The following TAFA4 variants were observed in gnomAD, a reference collection of about 807,000 sequenced individuals.
TAFA4 encodes the protein chemokine-like protein TAFA-4.
Under a neutral mutation model 21.1 loss-of-function variants are expected in TAFA4, and 20 were observed. The observed-to-expected ratio is 0.95, with a 90% CI of 0.67 to 1.38. The LOEUF (loss-of-function observed/expected upper bound fraction) is 1.38. Ranked by LOEUF, TAFA4 falls within the 40% of genes most tolerant of loss-of-function variation. The pLI is 0.00. For synonymous variants in TAFA4, 71 were observed against 67.4 expected (o/e 1.05, Z -0.26); for missense variants, 211 against 180.9 (o/e 1.17, Z -0.95).
intron 3 of TAFA4, among the ~76,000 whole-genome samples, chr3:68,772,027 AT>A (rs112999992): frequency 8.6e-4 from 127 of 146,872 alleles, no homozygotes; most frequent in Middle Eastern, 3.4e-3. Flanking sequence ...AGGGATGAAG[AT>A]TTTTTTTTTA....
chr3:68,890,553 G>T (rs1055089634), intron 1 of TAFA4, among the ~76,000 whole-genome samples: 2 of 152,102 alleles, frequency 1.3e-5, no homozygotes, highest in Admixed American at 6.5e-5. Flanking sequence ...CCATGCACTT[G>T]TTAGTCATTT....
intron 3 of TAFA4, among the ~76,000 whole-genome samples, chr3:68,760,852 T>G (rs192838062): frequency 6.6e-6 from 1 of 152,170 alleles, no homozygotes; most frequent in East Asian, 1.9e-4. Context: ...TAGTAGCCAT[T>G]TGATGGACAA....
At chr3:68,828,288 T>A (rs1261696775) in intron 3 of TAFA4, among the ~76,000 whole-genome samples, 1 of 152,218 alleles carries the variant, frequency 6.6e-6, no homozygotes, top group African/African-American at 2.4e-5. Flanking sequence ...AGCCTTGTAG[T>A]ATAGTTTGAA....
intron 3 of TAFA4, among the ~76,000 whole-genome samples, chr3:68,852,028 C>T (rs1462462377): frequency 1.3e-5 from 2 of 152,106 alleles, no homozygotes; most frequent in African/African-American, 4.8e-5. Flanking sequence ...TTAACAGCTC[C>T]GCAGTGATTC....
intron 3 of TAFA4, among the ~76,000 whole-genome samples, chr3:68,792,783 G>T (rs1039982630): frequency 3.3e-5 from 5 of 152,112 alleles, no homozygotes; most frequent in African/African-American, 1.2e-4. Flanking sequence ...TTAAAAGAAT[G>T]CCACTTATGA....
intron 1 of TAFA4, among the ~76,000 whole-genome samples, chr3:68,931,592 T>C (rs2107042982): frequency 6.6e-6 from 1 of 152,124 alleles, no homozygotes; most frequent in East Asian, 1.9e-4. Context: ...GCGAAAGAAA[T>C]GTAGAGATGC....
chr3:68,754,370 A>G (rs1000516780), intron 3 of TAFA4, among the ~76,000 whole-genome samples: 1 of 152,146 alleles, frequency 6.6e-6, no homozygotes, highest in Non-Finnish European at 1.5e-5. Flanking sequence ...ACTCCTCCTC[A>G]GTCTTTCTTT....
chr3:68,925,039 A>G (rs991152155), intron 1 of TAFA4, among the ~76,000 whole-genome samples: 7 of 152,226 alleles, frequency 4.6e-5, no homozygotes, highest in Non-Finnish European at 1.0e-4. Context: ...ACTCACAGCC[A>G]TCCTCTGGCT....
intron 1 of TAFA4, among the ~76,000 whole-genome samples, chr3:68,919,280 C>G (rs1446530896): frequency 2.0e-5 from 3 of 152,138 alleles, no homozygotes; most frequent in Non-Finnish European, 4.4e-5. Context: ...GCAGGCAGCC[C>G]CCGTCAGGAC....
At chr3:68,851,567 T>C (rs750886333) in intron 3 of TAFA4, among the ~76,000 whole-genome samples, 7 of 152,254 alleles carry the variant, frequency 4.6e-5, no homozygotes, top group South Asian at 4.1e-4. Flanking sequence ...AAGAGAGAGA[T>C]ATTTTAGCCA....
chr3:68,925,289 G>A (rs958523493), intron 1 of TAFA4, among the ~76,000 whole-genome samples: 2 of 152,128 alleles, frequency 1.3e-5, no homozygotes, highest in Admixed American at 6.6e-5. Flanking sequence ...ATGTGAAGCC[G>A]AGTTGCATAA....
chr3:68,926,395 T>C (rs1243343385), intron 1 of TAFA4, among the ~76,000 whole-genome samples: 6 of 152,216 alleles, frequency 3.9e-5, no homozygotes, highest in Non-Finnish European at 8.8e-5. Flanking sequence ...TGAATTTTTC[T>C]ACCCCAGGTA....
intron 5 of TAFA4, among the ~76,000 whole-genome samples, chr3:68,736,428 C>A (rs1702242484): frequency 6.6e-6 from 1 of 152,118 alleles, no homozygotes; most frequent in Non-Finnish European, 1.5e-5. Flanking sequence ...TCTCTCTTTT[C>A]ATATCTTCAT....
At chr3:68,772,120 G>C (rs1702968837) in intron 3 of TAFA4, among the ~76,000 whole-genome samples, 1 of 152,106 alleles carries the variant, frequency 6.6e-6, no homozygotes, top group South Asian at 2.1e-4. Flanking sequence ...ACATAAAATA[G>C]ATGAGCTTTA....
At chr3:68,912,160 C>G (rs1307593169) in intron 1 of TAFA4, among the ~76,000 whole-genome samples, 1 of 152,162 alleles carries the variant, frequency 6.6e-6, no homozygotes, top group Non-Finnish European at 1.5e-5. Flanking sequence ...GGAGCCCACT[C>G]CTAAAGGGGA....
Position 68,733,164 on chromosome 3 carries a change from T to A in TAFA4, c.412-11A>T, listed in dbSNP as rs776768398. ...TCGCTACCGCGTTACCTAAAACAAA[T>A]CAAAATAAGGGAACATTCAACACTC... is the stretch of plus-strand genomic sequence containing the variant. On this transcript the variant is annotated splice_polypyrimidine_tract_variant and intron_variant, in intron 5 of 5. Coordinates refer to ENST00000295569, the MANE Select transcript of TAFA4 (RefSeq NM_182522.5). 1.9e-6 allele frequency: 3 copies of A among 1,612,168 alleles called. No individual in the cohort carries two copies. Among genetic ancestry groups the A allele is most frequent in the Non-Finnish European group, 2.5e-6 (3 of 1,179,024 alleles).
At chr3:68,775,007 T>C (rs1002326862) in intron 3 of TAFA4, among the ~76,000 whole-genome samples, 1 of 152,230 alleles carries the variant, frequency 6.6e-6, no homozygotes, top group Non-Finnish European at 1.5e-5. Flanking sequence ...TAACTATCTT[T>C]AGACCCTCAG....
At chr3:68,766,179 A>G (rs950734604) in intron 3 of TAFA4, among the ~76,000 whole-genome samples, 5 of 152,184 alleles carry the variant, frequency 3.3e-5, no homozygotes, top group African/African-American at 1.2e-4. Context: ...ATTAGCACTT[A>G]CAATATGCCA....
chr3:68,752,778 G>A, intron 4 of TAFA4, 85 bp downstream of exon 4: 2 of 1,550,702 alleles, frequency 1.3e-6, no homozygotes, highest in Non-Finnish European at 1.8e-6. Context: ...GGTTTCTTTG[G>A]GTTGCAAAGA....
Sources: allele counts gnomAD v4.1 joint callset (sites outside exome capture counted in the v4.1 genomes callset), GRCh38; gene constraint gnomAD v4.1.1; transcripts MANE v1.5; gene names NCBI Gene and HGNC (gene_info 2026-07-23, HGNC 2026-07-21).